Variants in HIVEP3 observed in about 807,000 individuals in gnomAD.
The protein encoded by HIVEP3 is transcription factor HIVEP3.
In HIVEP3, 49 loss-of-function variants were observed where a neutral mutation model predicts 152.8. The observed-to-expected ratio is 0.32, with a 90% CI of 0.26 to 0.41. HIVEP3 has a LOEUF of 0.41. HIVEP3 is among the 10% of genes least tolerant of loss of function. The pLI, the probability that HIVEP3 is intolerant of heterozygous loss-of-function variation, is 1.00. For missense variants in HIVEP3, 2,790 were observed against 3,103.3 expected (o/e 0.90, Z 2.40); for synonymous variants, 1,269 against 1,289.0 (o/e 0.98, Z 0.33).
chr1:41,933,677 A>G (rs1645006042), intron 1 of HIVEP3, among the ~76,000 whole-genome samples: 1 of 152,132 alleles, frequency 6.6e-6, no homozygotes, highest in South Asian at 2.1e-4. Context: ...GATTATAGAT[A>G]TGGTCAAATT....
intron 1 of HIVEP3, among the ~76,000 whole-genome samples, chr1:41,858,215 G>A (rs913158694): frequency 1.3e-5 from 2 of 151,044 alleles, no homozygotes; most frequent in Non-Finnish European, 3.0e-5. Flanking sequence ...CTGCTCTGTT[G>A]GGACACCTTT....
intron 2 of HIVEP3, among the ~76,000 whole-genome samples, chr1:41,639,585 C>T (rs1216035886): frequency 2.0e-5 from 3 of 152,196 alleles, no homozygotes; most frequent in African/African-American, 4.8e-5. Flanking sequence ...GTCTCTCTCC[C>T]TCTGTCAATC....
At chr1:41,522,284 A>G (rs1342087108) in intron 6 of HIVEP3, among the ~76,000 whole-genome samples, 3 of 152,222 alleles carry the variant, frequency 2.0e-5, no homozygotes, top group African/African-American at 7.2e-5. Flanking sequence ...CTTCACCCCC[A>G]TACTGCAGAG....
At chr1:41,542,610 G>C (rs1353171690) in intron 5 of HIVEP3, 2 of 152,632 alleles carry the variant, frequency 1.3e-5, no homozygotes, top group Non-Finnish European at 2.9e-5. Flanking sequence ...AGGAAAGAGA[G>C]GATGCAGACA....
At chr1:41,594,270 T>C (rs1027588726) in intron 3 of HIVEP3, among the ~76,000 whole-genome samples, 1 of 152,214 alleles carries the variant, frequency 6.6e-6, no homozygotes, top group African/African-American at 2.4e-5. Context: ...TTGCCCAGGA[T>C]GGAGTGCAGT....
chr1:41,822,780 C>G (rs1164623679), intron 1 of HIVEP3, among the ~76,000 whole-genome samples: 1 of 152,198 alleles, frequency 6.6e-6, no homozygotes, highest in Non-Finnish European at 1.5e-5. Flanking sequence ...AAGCGTCTTC[C>G]TACCATTTGA....
intron 5 of HIVEP3, among the ~76,000 whole-genome samples, chr1:41,539,463 T>G (rs1241242654): frequency 2.0e-5 from 3 of 152,228 alleles, no homozygotes; most frequent in Non-Finnish European, 1.5e-5. Flanking sequence ...TCTCCCAGAA[T>G]GGCCCAGAGC....
intron 1 of HIVEP3, among the ~76,000 whole-genome samples, chr1:41,928,606 T>TGA (rs1644979599): frequency 1.3e-5 from 2 of 152,230 alleles, no homozygotes; most frequent in African/African-American, 4.8e-5. Context: ...GATCCCACAT[T>TGA]GCATTTAGTT....
chr1:41,693,423 C>A (rs1646226376), intron 2 of HIVEP3, among the ~76,000 whole-genome samples: 1 of 152,186 alleles, frequency 6.6e-6, no homozygotes, highest in African/African-American at 2.4e-5. Context: ...TGGGTGATGA[C>A]TCTTCACATG....
intron 5 of HIVEP3, among the ~76,000 whole-genome samples, chr1:41,567,444 G>T (rs528857265): frequency 2.2e-3 from 335 of 152,346 alleles, no homozygotes; most frequent in Non-Finnish European, 2.7e-3. Context: ...ATAGCCCAGT[G>T]TGGGCTCATG....
chr1:41,949,901 C>A (rs1381918528), intron 1 of HIVEP3, among the ~76,000 whole-genome samples: 1 of 152,130 alleles, frequency 6.6e-6, no homozygotes, highest in Non-Finnish European at 1.5e-5. Context: ...AACTGCATGA[C>A]CCCTACTATG....
intron 1 of HIVEP3, among the ~76,000 whole-genome samples, chr1:41,960,448 C>T (rs1645163666): frequency 6.6e-6 from 1 of 152,176 alleles, no homozygotes; most frequent in Non-Finnish European, 1.5e-5. Context: ...CCCCACTCCT[C>T]CCCCAAGTGT....
chr1:41,639,450 C>T (rs1219060103), intron 2 of HIVEP3, among the ~76,000 whole-genome samples: 2 of 152,196 alleles, frequency 1.3e-5, no homozygotes, highest in African/African-American at 4.8e-5. Context: ...CTCTCACCCC[C>T]TCCCTGGGTT....
intron 5 of HIVEP3, among the ~76,000 whole-genome samples, chr1:41,563,319 C>T (rs1644110335): frequency 6.6e-6 from 1 of 151,536 alleles, no homozygotes; most frequent in South Asian, 2.1e-4. Context: ...TGCACTCCAG[C>T]CTGGGCGATA....
chr1:41,772,936 C>T (rs1648471923), intron 1 of HIVEP3, among the ~76,000 whole-genome samples: 1 of 151,968 alleles, frequency 6.6e-6, no homozygotes, highest in South Asian at 2.1e-4. Flanking sequence ...AAAATAGGAC[C>T]CATTTGTGTA....
intron 5 of HIVEP3, among the ~76,000 whole-genome samples, chr1:41,561,679 ATTTTT>A (rs56969476): frequency 7.9e-6 from 1 of 127,084 alleles, no homozygotes; most frequent in Non-Finnish European, 1.6e-5. Context: ...TGCCCAGCTA[ATTTTT>A]TTTTTTTTTT....
intron 1 of HIVEP3, among the ~76,000 whole-genome samples, chr1:41,761,295 TGA>T (rs1647663315): frequency 6.6e-6 from 1 of 152,076 alleles, no homozygotes; most frequent in Non-Finnish European, 1.5e-5. Context: ...TACACCTACG[TGA>T]GTGTGTGAGT....
intron 6 of HIVEP3, among the ~76,000 whole-genome samples, chr1:41,519,947 G>T (rs1642714404): frequency 6.6e-6 from 1 of 152,164 alleles, no homozygotes; most frequent in South Asian, 2.1e-4. Flanking sequence ...AGAATGGCTG[G>T]TTGGATGGAT....
intron 1 of HIVEP3, among the ~76,000 whole-genome samples, chr1:42,024,336 GTA>G (rs1645570643): frequency 6.6e-6 from 1 of 152,106 alleles, no homozygotes; most frequent in Non-Finnish European, 1.5e-5. Flanking sequence ...TTATTTGACA[GTA>G]TATAGTTTTC....
Sources: allele counts gnomAD v4.1 joint callset (sites outside exome capture counted in the v4.1 genomes callset), GRCh38; gene constraint gnomAD v4.1.1; transcripts MANE v1.5; gene names NCBI Gene and HGNC (gene_info 2026-07-23, HGNC 2026-07-21).